The following SEPTIN6 variants were observed in gnomAD, a reference collection of about 807,000 sequenced individuals.
The protein encoded by SEPTIN6 is septin 6.
SEPTIN6 carries 8 observed loss-of-function variants against 33.6 expected under a neutral mutation model. That is an observed-to-expected ratio of 0.24 (90% CI 0.14 to 0.43). The LOEUF (loss-of-function observed/expected upper bound fraction) is 0.43, where lower values mean the gene tolerates loss of function less well. SEPTIN6 is among the 20% of genes least tolerant of loss of function. The pLI is 1.00. For missense variants in SEPTIN6, 250 were observed against 340.8 expected (o/e 0.73, Z 2.10); for synonymous variants, 131 against 140.0 (o/e 0.94, Z 0.45).
At chrX:119,691,603 T>G (rs1387715584) in intron 1 of SEPTIN6, among the ~76,000 whole-genome samples, 1 of 111,831 alleles carries the variant, frequency 8.9e-6, no homozygotes, top group Non-Finnish European at 1.9e-5. Context: ...TGCTAGGGTG[T>G]GCAGGGGGTG....
At chrX:119,678,973 AGTCTCTCCCT>A (rs1214494503) in intron 1 of SEPTIN6, among the ~76,000 whole-genome samples, 1 of 110,816 alleles carries the variant, frequency 9.0e-6, no homozygotes, top group Non-Finnish European at 1.9e-5. Flanking sequence ...TTTGATAAGG[AGTCTCTCCCT>A]GTCTCCCAGG....
Position 119,620,029 on chromosome X carries a change from A to G in SEPTIN6, c.*64T>C, listed in dbSNP as rs749061802. 19 of 1,205,719 alleles carry G rather than the reference A, an allele frequency of 1.6e-5. No homozygotes were observed. In the East Asian group the frequency reaches 5.3e-4, roughly 34 times the overall value. On this transcript the variant is annotated 3_prime_UTR_variant, in exon 11 of 11. Coordinates refer to ENST00000394610, the MANE Select transcript of SEPTIN6 (RefSeq NM_145799.4). ...AGGCCCAGCTCTGTTGCGCAGGAAAAGGGTGTCTACAGGAAGCCCAAACTG... is the reference window on the plus strand; with the variant it reads ...AGGCCCAGCTCTGTTGCGCAGGAAAGGGGTGTCTACAGGAAGCCCAAACTG...
intron 5 of SEPTIN6, among the ~76,000 whole-genome samples, chrX:119,642,194 A>G (rs1044172740): frequency 5.5e-5 from 6 of 109,480 alleles, no homozygotes; most frequent in African/African-American, 1.3e-4. Context: ...AAAAAAAAAA[A>G]AAAGAAAAAT....
At chrX:119,685,637 C>T (rs1199278247) in intron 1 of SEPTIN6, among the ~76,000 whole-genome samples, 1 of 111,278 alleles carries the variant, frequency 9.0e-6, no homozygotes, top group African/African-American at 3.3e-5. Flanking sequence ...AGGCCCCTGT[C>T]GAGCCAACGG....
chrX:119,665,056 G>A (rs758389270), intron 2 of SEPTIN6, among the ~76,000 whole-genome samples: 19 of 108,635 alleles, frequency 1.7e-4, no homozygotes, highest in African/African-American at 5.7e-4. Context: ...TAAGAGGGGC[G>A]GGGTGGGGAG....
chrX:119,674,213 G>A (rs1243910634), intron 2 of SEPTIN6, among the ~76,000 whole-genome samples: 1 of 107,663 alleles, frequency 9.3e-6, no homozygotes, highest in Non-Finnish European at 1.9e-5. Flanking sequence ...TTACTCTGTC[G>A]TCCAGGCTGG....
At chrX:119,640,350 G>T (rs2054138430) in intron 6 of SEPTIN6, among the ~76,000 whole-genome samples, 1 of 110,799 alleles carries the variant, frequency 9.0e-6, no homozygotes, top group African/African-American at 3.3e-5. Context: ...TATCTGAATT[G>T]TTTGTAATTA....
intron 6 of SEPTIN6, among the ~76,000 whole-genome samples, chrX:119,638,884 GA>G (rs1215686860): frequency 8.9e-6 from 1 of 112,146 alleles, no homozygotes; most frequent in Non-Finnish European, 1.9e-5. Context: ...AGACTTACAA[GA>G]AAAACTTTCA....
intron 8 of SEPTIN6, among the ~76,000 whole-genome samples, chrX:119,632,249 A>C (rs1381485809): frequency 9.3e-6 from 1 of 107,063 alleles, no homozygotes; most frequent in Non-Finnish European, 1.9e-5. Flanking sequence ...AGGCTGGAGT[A>C]CAGTGGCGCG....
At chrX:119,629,949 G>A (rs1021092449) in intron 8 of SEPTIN6, among the ~76,000 whole-genome samples, 6 of 110,846 alleles carry the variant, frequency 5.4e-5, no homozygotes, top group Non-Finnish European at 7.6e-5. Flanking sequence ...GTGAAACCCC[G>A]TCTCTACTAA....
At chrX:119,691,974 T>C (rs980760364) in intron 1 of SEPTIN6, among the ~76,000 whole-genome samples, 7 of 110,472 alleles carry the variant, frequency 6.3e-5, no homozygotes, top group Admixed American at 1.9e-4. Flanking sequence ...AGCTAGGGTG[T>C]CCCCCCCAAA....
chrX:119,647,496 T>TTTTTTTTTTTG (rs1780345311), intron 5 of SEPTIN6, among the ~76,000 whole-genome samples: 1 of 99,179 alleles, frequency 1.0e-5, no homozygotes, highest in African/African-American at 3.8e-5. Flanking sequence ...TTTTTTTTTT[T>TTTTTTTTTTTG]GTGAGACAGG....
Position 119,619,886 on chromosome X carries a change from C to T in SEPTIN6, c.*207G>A, listed in dbSNP as rs74613936. 1.9e-3 allele frequency: 2,041 copies of T among 1,092,135 alleles called. 29 individuals carry two copies. The African/African-American group carries it at 0.034, about 18-fold the overall frequency. 90.0% of individuals were successfully genotyped at this position (1,092,135 alleles called of 1,213,427 possible). ...ACATGACTGTTGGCTTCTTGACCAG[C>T]GGCCAGACATCACCCTCAGATTCTC... On this transcript the variant is annotated 3_prime_UTR_variant, in exon 11 of 11. Coordinates refer to ENST00000394610, the MANE Select transcript of SEPTIN6 (RefSeq NM_145799.4).
intron 6 of SEPTIN6, among the ~76,000 whole-genome samples, chrX:119,638,547 A>G (rs746831864): frequency 3.8e-4 from 42 of 111,857 alleles, no homozygotes; most frequent in African/African-American, 1.3e-3. Flanking sequence ...GTGAGGGCAG[A>G]GAAGGGTCTG....
chrX:119,654,703 T>C (rs187491509), intron 3 of SEPTIN6, among the ~76,000 whole-genome samples: 203 of 111,809 alleles, frequency 1.8e-3, no homozygotes, highest in African/African-American at 6.1e-3. Flanking sequence ...GAAAAATCTT[T>C]TTTTTTAAGA....
intron 6 of SEPTIN6, among the ~76,000 whole-genome samples, chrX:119,638,861 G>A (rs1264047179): frequency 8.9e-6 from 1 of 112,145 alleles, no homozygotes; most frequent in East Asian, 2.8e-4. Flanking sequence ...CATTCAAGCG[G>A]AACAGTCAAC....
At chrX:119,643,721 G>C (rs1420407769) in intron 5 of SEPTIN6, among the ~76,000 whole-genome samples, 1 of 111,346 alleles carries the variant, frequency 9.0e-6, no homozygotes, top group African/African-American at 3.3e-5. Flanking sequence ...AGGGAACTGG[G>C]ATACATGGAG....
intron 9 of SEPTIN6, among the ~76,000 whole-genome samples, chrX:119,626,616 A>T (rs1441049974): frequency 1.8e-5 from 2 of 111,991 alleles, no homozygotes; most frequent in Admixed American, 1.9e-4. Flanking sequence ...ATACCAAAAA[A>T]TTTCATTCAT....
chrX:119,682,045 AAG>A (rs911827343), intron 1 of SEPTIN6, among the ~76,000 whole-genome samples: 6 of 111,644 alleles, frequency 5.4e-5, no homozygotes, highest in African/African-American at 2.0e-4. Flanking sequence ...AAAAAAAAGA[AAG>A]AAAAAAAAAA....
Sources: gnomAD v4.1 joint callset for allele counts (sites outside exome capture counted in the v4.1 genomes callset) on GRCh38, gnomAD v4.1.1 for gene constraint, MANE v1.5 for transcripts, NCBI Gene and HGNC (gene_info 2026-07-23, HGNC 2026-07-21) for gene names.